SPOCK2: variants seen among roughly 807,000 people sequenced by gnomAD.
SPOCK2 encodes SPARC (osteonectin), cwcv and kazal like domains proteoglycan 2.
Under a neutral mutation model 60.1 loss-of-function variants are expected in SPOCK2, and 39 were observed. The observed-to-expected ratio is 0.65, with a 90% CI of 0.50 to 0.85. SPOCK2 has a LOEUF of 0.85. SPOCK2 is among the 40% of genes least tolerant of loss of function. The probability of loss-of-function intolerance (pLI) is 0.00; values close to 1 mark genes in which losing one functional copy is unlikely to be tolerated. For missense variants in SPOCK2, 523 were observed against 567.4 expected (o/e 0.92, Z 0.80); for synonymous variants, 217 against 231.5 (o/e 0.94, Z 0.57).
chr10:72,072,192 TG>T lies in SPOCK2; in HGVS notation c.310del (p.Gln104ArgfsTer23). On this transcript the variant is annotated frameshift_variant, in exon 4 of 11. Coordinates refer to ENST00000373109, the MANE Select transcript of SPOCK2 (RefSeq NM_001244950.2). LOFTEE classifies it high-confidence loss of function. ...GATGCACATGGCCCGCTGGTAGCCC[TG>T]GGCAATGCACACCTTGTGGCGGCTG... ...KCSRHKVCIA[Q>X]GYQRAMCISR... 6.4e-7 allele frequency: 1 copy of T among 1,559,322 alleles called. No homozygotes were observed. The highest frequency in any genetic ancestry group is 1.2e-5 in the South Asian group (1 of 83,644).
intron 1 of SPOCK2, chr10:72,086,815 T>C (rs936029942): frequency 2.0e-6 from 3 of 1,531,412 alleles, no homozygotes; most frequent in African/African-American, 2.8e-5. Context: ...GTCACTTGTC[T>C]GACGGTAACA....
chr10:72,077,159 C>T (rs1840724729), intron 1 of SPOCK2, among the ~76,000 whole-genome samples: 1 of 152,194 alleles, frequency 6.6e-6, no homozygotes, highest in South Asian at 2.1e-4. Flanking sequence ...CTTGCTCTGT[C>T]ACCCAGGCAG....
At chr10:72,081,891 AAC>A (rs1055955919) in intron 1 of SPOCK2, among the ~76,000 whole-genome samples, 10 of 152,128 alleles carry the variant, frequency 6.6e-5, no homozygotes, top group African/African-American at 1.9e-4. Flanking sequence ...GGGTGCAGAG[AAC>A]GGGCTGGATG....
chr10:72,084,341 G>A (rs913147603), intron 1 of SPOCK2, among the ~76,000 whole-genome samples: 1 of 152,212 alleles, frequency 6.6e-6, no homozygotes, highest in Non-Finnish European at 1.5e-5. Context: ...GAGGGTTTAG[G>A]TGATGTGCCC....
intron 1 of SPOCK2, among the ~76,000 whole-genome samples, chr10:72,082,853 CAAAAAAAAAA>C (rs770751183): frequency 8.7e-5 from 4 of 46,014 alleles, no homozygotes; most frequent in East Asian, 8.0e-4. Context: ...GACCCTGTCT[CAAAAAAAAAA>C]AAAAAAAAAA....
In SPOCK2 at chr10:72,072,498, G is replaced by T; in HGVS notation, c.244+5C>A. ...CACCTTCCCCCGCCGGGAGAGTCAT[G>T]TTACCTTCATCTCCTTGCTGATTGT... On this transcript the variant is annotated splice_donor_5th_base_variant and intron_variant, in intron 3 of 10. Coordinates refer to ENST00000373109, the MANE Select transcript of SPOCK2 (RefSeq NM_001244950.2). The T allele has an allele frequency of 6.2e-7, 1 of 1,613,994 alleles. No homozygotes were observed. Among genetic ancestry groups the T allele is most frequent in the Non-Finnish European group, 8.5e-7 (1 of 1,180,012 alleles).
At chr10:72,076,222 C>T (rs1186378546) in intron 1 of SPOCK2, among the ~76,000 whole-genome samples, 1 of 152,124 alleles carries the variant, frequency 6.6e-6, no homozygotes, top group Non-Finnish European at 1.5e-5. Context: ...GGAGTGGCCA[C>T]TCTGAGGGTA....
rs542566667 is a variant in SPOCK2, at chr10:72,068,040, C to T, written c.589+147G>A. On this transcript the variant is annotated intron_variant, in intron 6 of 10. Transcript: ENST00000373109. ...GCCTCCTGCTCTGTGTTAATCTGGGCCTCTGACCTCACAGCTCCCTCAAGC... is the reference window on the plus strand; with the variant it reads ...GCCTCCTGCTCTGTGTTAATCTGGGTCTCTGACCTCACAGCTCCCTCAAGC... 6.7e-5 allele frequency: 65 copies of T among 964,696 alleles called. No homozygotes were observed. In the African/African-American group the frequency reaches 9.7e-4, roughly 14 times the overall value. The allele number at this position is 964,696 out of a possible 1,614,324, so 59.8% of individuals were successfully genotyped here.
intron 5 of SPOCK2, chr10:72,069,971 C>T (rs945271515): frequency 5.2e-6 from 1 of 191,938 alleles, no homozygotes; most frequent in Non-Finnish European, 1.1e-5. Context: ...AATTGGATGC[C>T]AGAGCTCCTT....
intron 1 of SPOCK2, 92 bp from the exon 2 acceptor site, chr10:72,073,002 T>G: frequency 1.7e-5 from 26 of 1,533,918 alleles, no homozygotes; most frequent in Non-Finnish European, 2.2e-5. Context: ...CCCTCTGGTG[T>G]TCCTGGGGTC....
chr10:72,088,962 A>G (rs1365534949), upstream of SPOCK2: 3 of 152,274 alleles, frequency 2.0e-5, no homozygotes, highest in African/African-American at 7.2e-5. Context: ...CAGCCCTGAC[A>G]GCTGGCTTCC....
At chr10:72,074,647 G>A (rs1005309101) in intron 1 of SPOCK2, among the ~76,000 whole-genome samples, 2 of 152,358 alleles carry the variant, frequency 1.3e-5, no homozygotes, top group Non-Finnish European at 2.9e-5. Context: ...CACACTCGAG[G>A]CTCTCCCTCA....
chr10:72,075,089 TA>T (rs1025647396), intron 1 of SPOCK2, among the ~76,000 whole-genome samples: 1 of 152,078 alleles, frequency 6.6e-6, no homozygotes, highest in African/African-American at 2.4e-5. Context: ...CCTCGTTTGC[TA>T]AAACCAACGA....
At position 72,063,098 on chromosome 10, in the gene SPOCK2, G is replaced by A. The variant is rs748106143; in HGVS notation, c.1056C>T (p.Ser352=). Residue 352 remains serine, a synonymous_variant, in exon 10 of 11, where the codon AGC becomes AGT. Coordinates refer to ENST00000373109, the MANE Select transcript of SPOCK2 (RefSeq NM_001244950.2). ...YYRKMQCDQS[S]GDCWCVDQLG... is the part of the protein sequence containing the mutation. Reference sequence around the variant, plus strand: ...GCTGGTCCACACACCAGCAGTCACCGCTGCTCTGGTCACACTGCATCTTCC... The same window carrying A: ...GCTGGTCCACACACCAGCAGTCACCACTGCTCTGGTCACACTGCATCTTCC... 10 of 1,555,198 alleles carry A rather than the reference G, an allele frequency of 6.4e-6. No individual in the cohort carries two copies. Among genetic ancestry groups the A allele is most frequent in the Middle Eastern group, 1.7e-4 (1 of 6,022 alleles).
At chr10:72,083,467 C>T (rs1397246894) in intron 1 of SPOCK2, among the ~76,000 whole-genome samples, 10 of 152,246 alleles carry the variant, frequency 6.6e-5, no homozygotes, top group Admixed American at 3.9e-4. Flanking sequence ...ATGAGCAGAG[C>T]ACTCTCTCTG....
In SPOCK2 at chr10:72,062,929, G is replaced by T; in HGVS notation, c.1130-24C>A. 1 of 1,595,286 alleles carries T rather than the reference G, an allele frequency of 6.3e-7. No homozygotes were observed. On this transcript the variant is annotated intron_variant, in intron 10 of 10. Coordinates refer to ENST00000373109, the MANE Select transcript of SPOCK2 (RefSeq NM_001244950.2). The surrounding 1 kb of genome is among the most constrained non-coding windows in gnomAD (Gnocchi z 4.3). ...ATCTGTGAGGGGATCAAGCCAACAG[G>T]GGGTGAGGGAGCTTCTGGCACGCAC... is the stretch of plus-strand genomic sequence containing the variant.
intron 1 of SPOCK2, among the ~76,000 whole-genome samples, chr10:72,084,323 A>G (rs1245550): frequency 0.56 from 85,431 of 152,178 alleles, 26,616 homozygotes; most frequent in African/African-American, 0.85. Flanking sequence ...GTCTGAAACC[A>G]AAGCTCAGAG....
chr10:72,080,723 A>G (rs1315816440), intron 1 of SPOCK2, among the ~76,000 whole-genome samples: 1 of 152,150 alleles, frequency 6.6e-6, no homozygotes, highest in Non-Finnish European at 1.5e-5. Flanking sequence ...ACAGGCATCT[A>G]GAAGACTCTG....
intron 8 of SPOCK2, among the ~76,000 whole-genome samples, chr10:72,065,350 T>C (rs933883616): frequency 2.0e-5 from 3 of 152,228 alleles, no homozygotes; most frequent in Non-Finnish European, 2.9e-5. Flanking sequence ...TTTAGCTATG[T>C]TTAGATGCAC....
Sources: gnomAD v4.1 joint callset for allele counts (sites outside exome capture counted in the v4.1 genomes callset) on GRCh38, gnomAD v4.1.1 for gene constraint, Gnocchi (gnomAD v3.1) non-coding constraint, MANE v1.5 for transcripts, NCBI Gene and HGNC (gene_info 2026-07-23, HGNC 2026-07-21) for gene names.